The following PECAM1 variants were observed in gnomAD, a reference collection of about 807,000 sequenced individuals.
PECAM1 encodes platelet endothelial cell adhesion molecule.
In PECAM1, 8 loss-of-function variants were observed where a neutral mutation model predicts 13.8. That is an observed-to-expected ratio of 0.58 (90% CI 0.34 to 1.05). PECAM1 has a LOEUF of 1.05. Ranked by LOEUF, PECAM1 falls within the 50% of genes least tolerant of loss-of-function variation. The pLI, the probability that PECAM1 is intolerant of heterozygous loss-of-function variation, is 0.03. For missense variants in PECAM1, 304 were observed against 141.2 expected, an observed-to-expected ratio of 2.15 and a Z score of -5.84; for synonymous variants, 136 against 52.6, an observed-to-expected ratio of 2.58 and a Z score of -6.86.
chr17:64,384,736 AACTCAGCC>A (rs2036557313), intron 2 of PECAM1, among the ~76,000 whole-genome samples: 15 of 152,342 alleles, frequency 9.8e-5, no homozygotes, highest in African/African-American at 3.6e-4. Context: ...AGCACCACCC[AACTCAGCC>A]ACTCCTGCAT....
At chr17:64,370,975 G>C (rs979340653) in intron 4 of PECAM1, among the ~76,000 whole-genome samples, 1 of 152,108 alleles carries the variant, frequency 6.6e-6, no homozygotes. Flanking sequence ...ATAATAGCCT[G>C]CCTTCTCAAA....
chr17:64,327,933 G>A (rs2035002165), intron 15 of PECAM1, among the ~76,000 whole-genome samples: 1 of 152,202 alleles, frequency 6.6e-6, no homozygotes, highest in Non-Finnish European at 1.5e-5. Context: ...CACACCAGCT[G>A]ATTATTAGGG....
intron 15 of PECAM1, among the ~76,000 whole-genome samples, chr17:64,327,298 A>G (rs1360363548): frequency 6.6e-6 from 1 of 152,242 alleles, no homozygotes; most frequent in African/African-American, 2.4e-5. Context: ...TGCAGCTTGC[A>G]GCTTTTATAT....
chr17:64,345,637 C>T (rs1193788191), intron 13 of PECAM1, among the ~76,000 whole-genome samples: 4 of 150,888 alleles, frequency 2.7e-5, no homozygotes, highest in South Asian at 2.1e-4. Context: ...AGCTTGAACC[C>T]GGGAAGCAGA....
In PECAM1 at chr17:64,358,363, C is replaced by A. The variant is rs953684252; in HGVS notation, c.1492+1777G>T. Among the ~76,000 whole-genome samples the A allele has an allele frequency of 8.5e-3, 1,288 of 152,222 alleles. 13 individuals carry two copies. The highest frequency in any genetic ancestry group is 0.028 in the African/African-American group (1,156 of 41,550). On this transcript the variant is annotated intron_variant, in intron 7 of 15. Coordinates refer to ENST00000563924, the MANE Select transcript of PECAM1 (RefSeq NM_000442.5). Reference sequence around the variant, plus strand: ...CAAACTCCTGGGCTCAAGTGATCCACCCCATTCGGTCTCCCAAAGTGCTGG... The same window carrying A: ...CAAACTCCTGGGCTCAAGTGATCCAACCCATTCGGTCTCCCAAAGTGCTGG...
chr17:64,337,308 G>T (rs2035305801), intron 14 of PECAM1, among the ~76,000 whole-genome samples: 1 of 152,194 alleles, frequency 6.6e-6, no homozygotes, highest in Non-Finnish European at 1.5e-5. Flanking sequence ...CCCAGGTGGT[G>T]CTGTGGGAGG....
At chr17:64,334,688 T>A (rs1015605097) in intron 14 of PECAM1, among the ~76,000 whole-genome samples, 36 of 152,128 alleles carry the variant, frequency 2.4e-4, no homozygotes, top group African/African-American at 7.5e-4. Flanking sequence ...TTTGTATTTT[T>A]AGTAGAGATG....
At chr17:64,380,188 G>A (rs981665857) in intron 2 of PECAM1, among the ~76,000 whole-genome samples, 10 of 151,776 alleles carry the variant, frequency 6.6e-5, no homozygotes, top group South Asian at 2.1e-4. Context: ...AAAATTAGCC[G>A]GGTGTGGTAC....
chr17:64,344,780 C>G (rs1377941947), intron 13 of PECAM1, among the ~76,000 whole-genome samples: 1 of 152,118 alleles, frequency 6.6e-6, no homozygotes, highest in African/African-American at 2.4e-5. Flanking sequence ...TCCTTAGCTG[C>G]CAAGGAGGAG....
intron 2 of PECAM1, among the ~76,000 whole-genome samples, chr17:64,385,058 C>G (rs1212939379): frequency 6.6e-6 from 1 of 152,192 alleles, no homozygotes; most frequent in Non-Finnish European, 1.5e-5. Flanking sequence ...CATCAACTAC[C>G]TCCAATTGTG....
intron 2 of PECAM1, among the ~76,000 whole-genome samples, chr17:64,382,724 T>TC (rs1280505832): frequency 3.3e-5 from 5 of 151,938 alleles, no homozygotes; most frequent in Admixed American, 3.3e-4. Flanking sequence ...TCTAGGGATT[T>TC]TTTTTTTTTT....
chr17:64,365,425 C>G (rs1345052248), intron 5 of PECAM1, among the ~76,000 whole-genome samples: 1 of 149,332 alleles, frequency 6.7e-6, no homozygotes, highest in Non-Finnish European at 1.5e-5. Flanking sequence ...TCAATGCCAT[C>G]CCCATCAAGC....
rs1170553358 is a variant in PECAM1, at chr17:64,356,452, A to G, written c.1493-54T>C. ...AGCAAAGAAGGGCAGAGGAAGAGGA[A>G]CATGAGACAGCCACTGCTCAACTTT... On this transcript the variant is annotated intron_variant, in intron 7 of 15. Coordinates refer to ENST00000563924, the MANE Select transcript of PECAM1 (RefSeq NM_000442.5). The G allele has an allele frequency of 2.8e-5, 12 of 425,800 alleles. No individual in the cohort carries two copies. The East Asian group carries it at 4.1e-4, about 15-fold the overall frequency. The allele number at this position is 425,800 out of a possible 1,614,324, so 26.4% of individuals were successfully genotyped here.
At chr17:64,325,802 G>C (rs913714934) in intron 15 of PECAM1, among the ~76,000 whole-genome samples, 2 of 152,198 alleles carry the variant, frequency 1.3e-5, no homozygotes, top group Admixed American at 1.3e-4. Flanking sequence ...GATTCCTTCT[G>C]CCATCCTGTA....
chr17:64,331,807 G>T (rs1208527099), intron 14 of PECAM1, among the ~76,000 whole-genome samples: 1 of 152,234 alleles, frequency 6.6e-6, no homozygotes, highest in East Asian at 1.9e-4. Context: ...AGAAGTCATG[G>T]GGACCTCACC....
Position 64,321,827 on chromosome 17 carries a change from G to A in PECAM1, c.*1989C>T. On this transcript the variant is annotated 3_prime_UTR_variant, in exon 16 of 16. Coordinates refer to ENST00000563924, the MANE Select transcript of PECAM1 (RefSeq NM_000442.5). The stretch of plus-strand genomic sequence containing the variant: ...AGTAAGGCACCAGGAGTAGGAATAG[G>A]GTCTTTGCAGCTCCCGTGGCAATTG... 7.4e-7 allele frequency: 1 copy of A among 1,348,246 alleles called. No homozygotes were observed. Among genetic ancestry groups the A allele is most frequent in the South Asian group, 1.1e-5 (1 of 87,944 alleles). 83.5% of individuals were successfully genotyped at this position (1,348,246 alleles called of 1,614,324 possible).
In PECAM1 at chr17:64,333,718, G is replaced by A. The variant is rs974982636; in HGVS notation, c.2165-3996C>T. Among the ~76,000 whole-genome samples, 35 of 151,974 alleles carry A rather than the reference G, an allele frequency of 2.3e-4. No homozygotes were observed. The South Asian group carries it at 7.3e-3, about 32-fold the overall frequency. ...GGGCATTGTAATCCCAGCACTTTGG[G>A]AGGCTGAGGCGGGCGGATTGCTTGA... On this transcript the variant is annotated intron_variant, in intron 14 of 15. Coordinates refer to ENST00000563924, the MANE Select transcript of PECAM1 (RefSeq NM_000442.5).
chr17:64,358,384 GC>G (rs2035896099), intron 7 of PECAM1, among the ~76,000 whole-genome samples: 1 of 152,120 alleles, frequency 6.6e-6, no homozygotes, highest in African/African-American at 2.4e-5. Context: ...CTCCCAAAGT[GC>G]TGGGATTATA....
At chr17:64,362,659 T>A (rs954576894) in intron 6 of PECAM1, among the ~76,000 whole-genome samples, 43 of 149,876 alleles carry the variant, frequency 2.9e-4, no homozygotes, top group East Asian at 5.9e-4. Context: ...CTCAAAAAAA[T>A]AAATAAATAA....
Sources: gnomAD v4.1 joint callset for allele counts (sites outside exome capture counted in the v4.1 genomes callset) on GRCh38, gnomAD v4.1.1 for gene constraint, MANE v1.5 for transcripts, NCBI Gene and HGNC (gene_info 2026-07-23, HGNC 2026-07-21) for gene names.